ERBIN: variants seen among roughly 807,000 people sequenced by gnomAD.
The protein encoded by ERBIN is densin-180-like protein.
A neutral mutation model predicts 158.4 loss-of-function variants in ERBIN; 60 were observed. The observed-to-expected ratio is 0.38, with a 90% confidence interval of 0.31 to 0.47. The LOEUF is 0.47. Ranked by LOEUF, ERBIN falls within the 20% of genes least tolerant of loss-of-function variation. The probability of loss-of-function intolerance (pLI) is 0.99; values close to 1 mark genes in which losing one functional copy is unlikely to be tolerated. For missense variants in ERBIN, 1,610 were observed against 1,648.0 expected, an observed-to-expected ratio of 0.98 and a Z score of 0.40; for synonymous variants, 594 against 557.2, an observed-to-expected ratio of 1.07 and a Z score of -0.93.
Position 66,075,181 on chromosome 5 carries a change from C to T in ERBIN, c.3914C>T (p.Thr1305Ile). ...MLKVAHQPPY[T>I]QPHCSPRQGH... Reference sequence around the variant, plus strand: ...AAAGTGGCCCACCAGCCTCCATATACACAGCCCCATTGTTCTCCTAGACAA... The same window carrying T: ...AAAGTGGCCCACCAGCCTCCATATATACAGCCCCATTGTTCTCCTAGACAA... Residue 1305 changes from threonine to isoleucine, a missense_variant, in exon 23 of 26, where the codon ACA becomes ATA. By Grantham distance (89) the Thr-to-Ile change is moderately conservative. Around this residue, in one of 2 missense-constraint regions of ERBIN, gnomAD observed 1,014 missense variants for 936.1 expected, o/e 1.08. Coordinates refer to ENST00000284037, the MANE Select transcript of ERBIN (RefSeq NM_001253697.2). The T allele has an allele frequency of 6.2e-7, 1 of 1,614,174 alleles. No homozygotes were observed. Among genetic ancestry groups the T allele is most frequent in the Non-Finnish European group, 8.5e-7 (1 of 1,180,018 alleles).
At chr5:65,999,520 C>T (rs1027946087) in intron 4 of ERBIN, among the ~76,000 whole-genome samples, 1 of 152,200 alleles carries the variant, frequency 6.6e-6, no homozygotes, top group Non-Finnish European at 1.5e-5. Flanking sequence ...AGAAATTTAA[C>T]ATCACAATTC....
rs547847027 is a variant in ERBIN at position 65,960,507 on chromosome 5, T to C, written c.-57-28128T>C. Among the ~76,000 whole-genome samples, 3 of 152,312 alleles carry C rather than the reference T, an allele frequency of 2.0e-5. No individual in the cohort carries two copies. The South Asian group carries it at 6.2e-4, about 32-fold the overall frequency. On this transcript the variant is annotated intron_variant, in intron 1 of 25. Coordinates refer to ENST00000284037, the MANE Select transcript of ERBIN (RefSeq NM_001253697.2). ...GAAACAGAGCGAAAATACTGATGCC[T>C]ATGTCCTACCTTCTAGAGATTCTAA...
chr5:66,013,647 T>C lies in ERBIN; in HGVS notation c.476+9T>C. 6.3e-7 allele frequency: 1 copy of C among 1,588,288 alleles called. No individual in the cohort carries two copies. The highest frequency in any genetic ancestry group is 8.6e-7 in the Non-Finnish European group (1 of 1,156,708). Reference sequence around the variant, plus strand: ...CCAGCAAATTTTGGCAGGTAAATTATGGTTTCTTCTAAAACGTTTTATTAT... The same window carrying C: ...CCAGCAAATTTTGGCAGGTAAATTACGGTTTCTTCTAAAACGTTTTATTAT... On this transcript the variant is annotated intron_variant, in intron 6 of 25. Transcript: ENST00000284037.
At chr5:65,939,550 C>T (rs1321398913) in intron 1 of ERBIN, among the ~76,000 whole-genome samples, 1 of 152,006 alleles carries the variant, frequency 6.6e-6, no homozygotes, top group Non-Finnish European at 1.5e-5. Flanking sequence ...TCCCTCTCCC[C>T]ACGGTCTCCC....
chr5:66,009,067 T>TAACTCCAC (rs1198386088), intron 4 of ERBIN, among the ~76,000 whole-genome samples: 11 of 152,256 alleles, frequency 7.2e-5, no homozygotes, highest in African/African-American at 1.2e-4. Context: ...GCTTACTCTG[T>TAACTCCAC]AACTCCACAA....
chr5:66,082,114 GT>G lies in ERBIN; in HGVS notation c.*3589del, dbSNP rs1762412255. 6.6e-6 allele frequency: 1 copy of G among 152,140 alleles called. No homozygotes were observed. 9.4% of individuals were successfully genotyped at this position (152,140 alleles called of 1,614,324 possible). On this transcript the variant is annotated 3_prime_UTR_variant, in exon 26 of 26. Transcript: ENST00000284037. ...CTATCTTCTACAGTCTCATGAAGCAGTTTTTCAAGATTAGAATCTGTGGTCA... is the reference window on the plus strand; with the variant it reads ...CTATCTTCTACAGTCTCATGAAGCAGTTTTCAAGATTAGAATCTGTGGTCA...
At chr5:66,069,721 G>A (rs953600637) in intron 21 of ERBIN, among the ~76,000 whole-genome samples, 18 of 151,936 alleles carry the variant, frequency 1.2e-4, no homozygotes, top group Admixed American at 2.0e-4. Context: ...ATTTCCTTCC[G>A]CCCCTCTCCT....
At chr5:66,061,054 G>A (rs376677446) in intron 21 of ERBIN, among the ~76,000 whole-genome samples, 17 of 152,228 alleles carry the variant, frequency 1.1e-4, no homozygotes, top group African/African-American at 3.6e-4. Context: ...GTAGATGTCT[G>A]TTAGGTCTGC....
At chr5:66,041,234 A>C (rs1051618877) in intron 15 of ERBIN, among the ~76,000 whole-genome samples, 5 of 152,022 alleles carry the variant, frequency 3.3e-5, no homozygotes, top group African/African-American at 4.8e-5. Flanking sequence ...ATAATAAGGA[A>C]TTGAGTGATT....
intron 21 of ERBIN, among the ~76,000 whole-genome samples, chr5:66,058,127 T>G (rs1188075946): frequency 6.6e-6 from 1 of 152,040 alleles, no homozygotes; most frequent in Non-Finnish European, 1.5e-5. Context: ...TCCACAATGG[T>G]TGAACTAGTT....
chr5:65,979,430 A>AC (rs1370123095), intron 1 of ERBIN, among the ~76,000 whole-genome samples: 1 of 152,184 alleles, frequency 6.6e-6, no homozygotes, highest in African/African-American at 2.4e-5. Context: ...CTGGAAAAAA[A>AC]CCCGCAAACC....
intron 1 of ERBIN, among the ~76,000 whole-genome samples, chr5:65,930,610 T>G (rs1743248289): frequency 6.6e-6 from 1 of 152,224 alleles, no homozygotes. Flanking sequence ...TCCCGGCCAT[T>G]GTTTGTTTTA....
intron 20 of ERBIN, 25 bp downstream of exon 20, chr5:66,050,991 T>C (rs1453770824): frequency 2.0e-6 from 3 of 1,490,332 alleles, no homozygotes; most frequent in Non-Finnish European, 2.8e-6. Context: ...TTTACAGTTT[T>C]TTATTTATAC....
intron 1 of ERBIN, among the ~76,000 whole-genome samples, chr5:65,971,539 A>T (rs887262715): frequency 1.3e-5 from 2 of 152,208 alleles, no homozygotes; most frequent in African/African-American, 4.8e-5. Context: ...GGTAATAAGG[A>T]TGTAATAGTT....
In ERBIN at chr5:65,944,348, G is replaced by A. The variant is rs146314767; in HGVS notation, c.-58+17542G>A. Among the ~76,000 whole-genome samples the A allele has an allele frequency of 6.6e-5, 10 of 151,722 alleles. No homozygotes were observed. In the East Asian group the frequency reaches 9.7e-4, roughly 15 times the overall value. Reference sequence around the variant, plus strand: ...TTGCTATTTTGTTTCTTTGATAATAGCAATCCTAATGGGTGTGAGGTGGTA... The same window carrying A: ...TTGCTATTTTGTTTCTTTGATAATAACAATCCTAATGGGTGTGAGGTGGTA... On this transcript the variant is annotated intron_variant, in intron 1 of 25. Coordinates refer to ENST00000284037, the MANE Select transcript of ERBIN (RefSeq NM_001253697.2).
intron 2 of ERBIN, among the ~76,000 whole-genome samples, chr5:65,989,375 C>T (rs1407688990): frequency 2.6e-5 from 4 of 152,136 alleles, no homozygotes; most frequent in East Asian, 1.9e-4. Context: ...ATTTGGTGTT[C>T]GTTTTTATAT....
chr5:65,933,047 T>G (rs1276719356), intron 1 of ERBIN, among the ~76,000 whole-genome samples: 1 of 152,164 alleles, frequency 6.6e-6, no homozygotes, highest in Non-Finnish European at 1.5e-5. Flanking sequence ...CCCTCCTTGG[T>G]CTCCCAAAGT....
At chr5:66,031,102 T>G (rs1241958174) in intron 14 of ERBIN, among the ~76,000 whole-genome samples, 1 of 152,182 alleles carries the variant, frequency 6.6e-6, no homozygotes, top group Non-Finnish European at 1.5e-5. Context: ...AAATTTCCCT[T>G]ACCCTTACCA....
chr5:66,051,649 C>G (rs1410119973), intron 20 of ERBIN, among the ~76,000 whole-genome samples: 1 of 152,114 alleles, frequency 6.6e-6, no homozygotes, highest in Non-Finnish European at 1.5e-5. Flanking sequence ...CCCAGCACTT[C>G]AGGAGGCTGC....
Sources: gnomAD v4.1 joint callset for allele counts (sites outside exome capture counted in the v4.1 genomes callset) on GRCh38, gnomAD v4.1.1 for gene constraint, gnomAD v4.1.1 regional missense constraint, MANE v1.5 for transcripts, NCBI Gene and HGNC (gene_info 2026-07-23, HGNC 2026-07-21) for gene names.